The following SLC35F1 variants were observed in gnomAD, a reference collection of about 807,000 sequenced individuals.
The protein encoded by SLC35F1 is solute carrier family 35 member F1.
A neutral mutation model predicts 48.7 loss-of-function variants in SLC35F1; 14 were observed. That is an observed-to-expected ratio of 0.29 (90% confidence interval 0.19 to 0.45). SLC35F1 has a LOEUF of 0.45. Among genes scored for constraint, SLC35F1 ranks in the 20% least tolerant of loss-of-function variants. SLC35F1 has a pLI of 1.00. For synonymous variants in SLC35F1, 190 were observed against 202.2 expected (o/e 0.94, Z 0.51); for missense variants, 404 against 500.0 (o/e 0.81, Z 1.83).
chr6:118,103,134 T>C (rs1183456231), intron 1 of SLC35F1, among the ~76,000 whole-genome samples: 2 of 152,188 alleles, frequency 1.3e-5, no homozygotes, highest in Non-Finnish European at 2.9e-5. Flanking sequence ...ATATTTCTAA[T>C]GCAAAATTGA....
At chr6:118,299,202 C>A (rs1776228249) in intron 7 of SLC35F1, among the ~76,000 whole-genome samples, 2 of 152,062 alleles carry the variant, frequency 1.3e-5, no homozygotes, top group African/African-American at 2.4e-5. Context: ...ACAATAAAAC[C>A]TTTTATTGGC....
At chr6:118,046,696 A>G (rs972892175) in intron 1 of SLC35F1, among the ~76,000 whole-genome samples, 1 of 152,168 alleles carries the variant, frequency 6.6e-6, no homozygotes, top group African/African-American at 2.4e-5. Flanking sequence ...CAAGCACTCC[A>G]TATATGATAA....
At chr6:118,207,197 GA>G in intron 2 of SLC35F1, among the ~76,000 whole-genome samples, 1 of 152,226 alleles carries the variant, frequency 6.6e-6, no homozygotes, top group Middle Eastern at 3.4e-3. Context: ...AGAGCCCTAG[GA>G]AATATTTGCT....
chr6:118,215,442 C>G (rs570212185), intron 2 of SLC35F1, among the ~76,000 whole-genome samples: 1 of 151,866 alleles, frequency 6.6e-6, no homozygotes, highest in South Asian at 2.1e-4. Flanking sequence ...ATAGATAAGA[C>G]GGTCTTGTTG....
chr6:118,194,092 CACAG>C (rs1000305355), intron 2 of SLC35F1, among the ~76,000 whole-genome samples: 9 of 152,130 alleles, frequency 5.9e-5, no homozygotes, highest in African/African-American at 2.2e-4. Context: ...TATATAACTA[CACAG>C]ACAGACAGAA....
At chr6:118,189,963 T>C (rs1002639824) in intron 2 of SLC35F1, among the ~76,000 whole-genome samples, 1 of 152,216 alleles carries the variant, frequency 6.6e-6, no homozygotes, top group African/African-American at 2.4e-5. Context: ...GCTATTGTTA[T>C]AGGCACATAC....
intron 1 of SLC35F1, among the ~76,000 whole-genome samples, chr6:117,944,586 T>TACACACACACACACAC (rs373551582): frequency 1.6e-3 from 233 of 146,376 alleles, no homozygotes; most frequent in East Asian, 4.0e-3. Context: ...AACACACACA[T>TACACACACACACACAC]ACACATACAC....
At chr6:118,220,575 G>T (rs1252988718) in intron 2 of SLC35F1, among the ~76,000 whole-genome samples, 3 of 152,172 alleles carry the variant, frequency 2.0e-5, no homozygotes, top group South Asian at 2.1e-4. Flanking sequence ...AAGCAGCATT[G>T]CAGTCTCTGA....
intron 1 of SLC35F1, among the ~76,000 whole-genome samples, chr6:118,050,658 A>G (rs992805540): frequency 1.3e-5 from 2 of 152,086 alleles, no homozygotes; most frequent in African/African-American, 2.4e-5. Flanking sequence ...GAGGAACTGA[A>G]AGAAATTCCC....
chr6:117,938,758 A>G (rs894942469), intron 1 of SLC35F1, among the ~76,000 whole-genome samples: 4 of 152,188 alleles, frequency 2.6e-5, no homozygotes, highest in Non-Finnish European at 4.4e-5. Context: ...GGTCATACTT[A>G]GTTCTTTGCC....
intron 2 of SLC35F1, among the ~76,000 whole-genome samples, chr6:118,205,025 ACTT>A (rs1451765689): frequency 6.6e-6 from 1 of 152,176 alleles, no homozygotes; most frequent in Admixed American, 6.5e-5. Context: ...TTTCACCTCT[ACTT>A]CTTTTGTCAG....
chr6:118,166,465 G>T (rs1774319514), intron 2 of SLC35F1, among the ~76,000 whole-genome samples: 2 of 152,306 alleles, frequency 1.3e-5, no homozygotes, highest in South Asian at 2.1e-4. Context: ...TTCCAGCTGT[G>T]CAGTGTTAAA....
At chr6:118,126,409 T>C (rs1247418879) in intron 1 of SLC35F1, among the ~76,000 whole-genome samples, 1 of 152,218 alleles carries the variant, frequency 6.6e-6, no homozygotes, top group Non-Finnish European at 1.5e-5. Context: ...TGAAGTCAGG[T>C]AGCATGATGC....
chr6:118,091,758 A>G (rs1773077033), intron 1 of SLC35F1, among the ~76,000 whole-genome samples: 1 of 152,218 alleles, frequency 6.6e-6, no homozygotes, highest in Non-Finnish European at 1.5e-5. Flanking sequence ...GATGTGGGAA[A>G]GTTTGGAACT....
At chr6:118,207,435 C>T (rs1457494426) in intron 2 of SLC35F1, among the ~76,000 whole-genome samples, 4 of 152,288 alleles carry the variant, frequency 2.6e-5, no homozygotes, top group Non-Finnish European at 5.9e-5. Context: ...GACTTAGAAT[C>T]ATTTTCTGGA....
intron 2 of SLC35F1, 100 bp from the exon 3 acceptor site, chr6:118,235,409 T>C (rs550000277): frequency 1.8e-5 from 21 of 1,150,726 alleles, no homozygotes; most frequent in Non-Finnish European, 2.4e-5. Flanking sequence ...AAACTTTAGG[T>C]TAAAAATATA....
intron 1 of SLC35F1, among the ~76,000 whole-genome samples, chr6:118,043,330 G>T (rs1205102502): frequency 8.1e-6 from 1 of 124,150 alleles, no homozygotes; most frequent in Non-Finnish European, 1.7e-5. Flanking sequence ...TGGTTTTCTT[G>T]TGTCCACCTT....
At chr6:117,995,470 A>G (rs1007936527) in intron 1 of SLC35F1, among the ~76,000 whole-genome samples, 3 of 152,130 alleles carry the variant, frequency 2.0e-5, no homozygotes, top group Non-Finnish European at 4.4e-5. Context: ...GATTTTCCAT[A>G]TATACAAAGG....
chr6:118,022,377 C>T (rs148577147), intron 1 of SLC35F1, among the ~76,000 whole-genome samples: 72 of 152,182 alleles, frequency 4.7e-4, no homozygotes, highest in South Asian at 3.5e-3. Flanking sequence ...TGGTAAAACT[C>T]GGAAATGGAT....
Sources: allele counts gnomAD v4.1 joint callset (sites outside exome capture counted in the v4.1 genomes callset), GRCh38; gene constraint gnomAD v4.1.1; transcripts MANE v1.5; gene names NCBI Gene and HGNC (gene_info 2026-07-23, HGNC 2026-07-21).